The following ADAMTS19 variants were observed in gnomAD, a reference collection of about 807,000 sequenced individuals.
ADAMTS19 encodes ADAM metallopeptidase with thrombospondin type 1 motif 19, also known as A disintegrin and metalloproteinase with thrombospondin motifs 19.
ADAMTS19 carries 93 observed loss-of-function variants against 153.3 expected under a neutral mutation model. The ratio of observed to expected loss-of-function variants is 0.61; its 90% CI spans 0.51 to 0.72. The LOEUF (loss-of-function observed/expected upper bound fraction) is 0.72, where lower values mean the gene tolerates loss of function less well. Among genes scored for constraint, ADAMTS19 ranks in the 30% least tolerant of loss-of-function variants. ADAMTS19 has a pLI of 0.00. For missense variants in ADAMTS19, 1,482 were observed against 1,552.1 expected (o/e 0.95, Z 0.76); for synonymous variants, 600 against 556.6 (o/e 1.08, Z -1.10).
chr5:129,647,224 A>G, intron 11 of ADAMTS19, among the ~76,000 whole-genome samples: 1 of 151,432 alleles, frequency 6.6e-6, no homozygotes, highest in East Asian at 1.9e-4. Context: ...GAAAAAAAAA[A>G]AAAAAAAAAA....
intron 15 of ADAMTS19, among the ~76,000 whole-genome samples, chr5:129,658,963 A>G (rs980682969): frequency 7.9e-5 from 12 of 152,182 alleles, no homozygotes; most frequent in Non-Finnish European, 1.6e-4. Flanking sequence ...TACATTTAAT[A>G]AGTTGGAACA....
At chr5:129,681,651 T>G (rs1429079512) in intron 17 of ADAMTS19, among the ~76,000 whole-genome samples, 1 of 152,186 alleles carries the variant, frequency 6.6e-6, no homozygotes, top group Non-Finnish European at 1.5e-5. Context: ...TCTTCTATGC[T>G]ACCTCGCTGA....
At chr5:129,701,636 C>G in intron 20 of ADAMTS19, 44 bp downstream of exon 20, 1 of 1,594,366 alleles carries the variant, frequency 6.3e-7, no homozygotes, top group Non-Finnish European at 8.6e-7. Context: ...ACTCTGACTC[C>G]TAGCTTGTAC....
At chr5:129,631,515 T>C (rs547375376) in intron 10 of ADAMTS19, among the ~76,000 whole-genome samples, 1 of 152,140 alleles carries the variant, frequency 6.6e-6, no homozygotes, top group South Asian at 2.1e-4. Flanking sequence ...CTCGTAAGGC[T>C]TTATTGCAAG....
At chr5:129,591,911 T>A (rs1399218757) in intron 7 of ADAMTS19, among the ~76,000 whole-genome samples, 1 of 152,148 alleles carries the variant, frequency 6.6e-6, no homozygotes, top group East Asian at 1.9e-4. Context: ...GGAAAAGGCA[T>A]CCTGGAGGGT....
chr5:129,675,505 T>G (rs1754512470), intron 16 of ADAMTS19, among the ~76,000 whole-genome samples: 1 of 152,164 alleles, frequency 6.6e-6, no homozygotes, highest in Non-Finnish European at 1.5e-5. Flanking sequence ...ACAGACTTCT[T>G]TTGCAATATC....
chr5:129,699,564 T>G (rs995637652), intron 19 of ADAMTS19, among the ~76,000 whole-genome samples: 1 of 152,128 alleles, frequency 6.6e-6, no homozygotes, highest in African/African-American at 2.4e-5. Flanking sequence ...ATTCATTAGG[T>G]AGCCTTTGAG....
chr5:129,714,399 C>A (rs1364253876), intron 21 of ADAMTS19, among the ~76,000 whole-genome samples: 1 of 129,494 alleles, frequency 7.7e-6, no homozygotes, highest in Admixed American at 8.8e-5. Flanking sequence ...GCAGTCCGGC[C>A]TGGGCGACAG....
chr5:129,528,313 A>T (rs538686127), intron 5 of ADAMTS19, among the ~76,000 whole-genome samples: 1 of 152,176 alleles, frequency 6.6e-6, no homozygotes, highest in South Asian at 2.1e-4. Flanking sequence ...ACCATTAAAC[A>T]AATTTTGTAA....
At chr5:129,504,866 CACACAG>C (rs1373112186) in intron 2 of ADAMTS19, among the ~76,000 whole-genome samples, 139 of 82,482 alleles carry the variant, frequency 1.7e-3, no homozygotes, top group African/African-American at 7.5e-3. Flanking sequence ...TGTCTACACA[CACACAG>C]ACACACACAC....
At chr5:129,647,413 T>C (rs1176837560) in intron 11 of ADAMTS19, among the ~76,000 whole-genome samples, 1 of 152,108 alleles carries the variant, frequency 6.6e-6, no homozygotes, top group African/African-American at 2.4e-5. Flanking sequence ...TTTTGTCCCT[T>C]TTAAATTATT....
chr5:129,670,309 G>A (rs1754247346), intron 16 of ADAMTS19, among the ~76,000 whole-genome samples: 1 of 152,096 alleles, frequency 6.6e-6, no homozygotes, highest in Admixed American at 6.6e-5. Flanking sequence ...ATCAAAGTCT[G>A]GCACACAGGA....
chr5:129,557,832 T>C (rs1753366043), intron 7 of ADAMTS19, among the ~76,000 whole-genome samples: 1 of 151,478 alleles, frequency 6.6e-6, no homozygotes, highest in South Asian at 2.1e-4. Context: ...GGAAAGAAAT[T>C]AAGAAAGTCA....
At chr5:129,514,017 G>A (rs996425805) in intron 3 of ADAMTS19, among the ~76,000 whole-genome samples, 2 of 151,810 alleles carry the variant, frequency 1.3e-5, no homozygotes, top group Non-Finnish European at 2.9e-5. Context: ...TTTTAGATCC[G>A]ACAAATAAGT....
At chr5:129,500,267 T>C (rs1751054425) in intron 2 of ADAMTS19, 1 of 152,170 alleles carries the variant, frequency 6.6e-6, no homozygotes, top group South Asian at 2.1e-4. Flanking sequence ...TCCTATTCAG[T>C]GCACTGGGCT....
At chr5:129,547,775 C>T (rs7718975) in intron 6 of ADAMTS19, among the ~76,000 whole-genome samples, 71,491 of 149,832 alleles carry the variant, frequency 0.48, 20,268 homozygotes, top group African/African-American at 0.77. Context: ...CTTCAAACTA[C>T]ACTACAAGGC....
At chr5:129,586,674 T>C (rs912879342) in intron 7 of ADAMTS19, among the ~76,000 whole-genome samples, 1 of 152,222 alleles carries the variant, frequency 6.6e-6, no homozygotes, top group Non-Finnish European at 1.5e-5. Context: ...TACTAACTAG[T>C]GTGATTGCTG....
At chr5:129,596,993 CG>C (rs1750410705) in intron 8 of ADAMTS19, among the ~76,000 whole-genome samples, 1 of 152,046 alleles carries the variant, frequency 6.6e-6, no homozygotes, top group African/African-American at 2.4e-5. Flanking sequence ...ACTTTTCAAA[CG>C]CTTAGTACAA....
chr5:129,736,039 A>T (rs994560854), intron 22 of ADAMTS19, among the ~76,000 whole-genome samples: 3 of 152,048 alleles, frequency 2.0e-5, no homozygotes, highest in Admixed American at 2.0e-4. Context: ...GAAATACAAA[A>T]ATTCTCTTTT....
Sources: allele counts gnomAD v4.1 joint callset (sites outside exome capture counted in the v4.1 genomes callset), GRCh38; gene constraint gnomAD v4.1.1; transcripts MANE v1.5; gene names NCBI Gene and HGNC (gene_info 2026-07-23, HGNC 2026-07-21).